Variants in IDE observed in about 807,000 individuals in gnomAD.
IDE encodes insulin degrading enzyme.
Under a neutral mutation model 133.2 loss-of-function variants are expected in IDE, and 58 were observed. That is an observed-to-expected ratio of 0.44 (90% CI 0.35 to 0.54). The LOEUF (loss-of-function observed/expected upper bound fraction) is 0.54. IDE is among the 20% of genes least tolerant of loss of function. The pLI is 0.00. For missense variants in IDE, 981 were observed against 1,234.0 expected, an observed-to-expected ratio of 0.79 and a Z score of 3.07; for synonymous variants, 396 against 421.3, an observed-to-expected ratio of 0.94 and a Z score of 0.73.
chr10:92,534,666 C>T lies in IDE; in HGVS notation c.403G>A (p.Ala135Thr). 1.2e-6 allele frequency: 2 copies of T among 1,613,696 alleles called. No homozygotes were observed. The highest frequency in any genetic ancestry group is 8.5e-7 in the Non-Finnish European group (1 of 1,179,694). ...CTAGTAAAGGCATTTGAACTTCCTG[C>T]ATGCTCACTGAGAAACTGGCTGTAT... The part of the protein sequence containing the change: ...NEYSQFLSEH[A>T]GSSNAFTSGE... The change falls in exon 3 of 25, where the codon GCA becomes ACA. Residue 135 changes from alanine to threonine, a missense_variant. Physicochemically the swap from Ala to Thr is moderately conservative, Grantham distance 58. Transcript: ENST00000265986.
At chr10:92,545,735 C>T in intron 1 of IDE, among the ~76,000 whole-genome samples, 1 of 152,140 alleles carries the variant, frequency 6.6e-6, no homozygotes, top group East Asian at 1.9e-4. Context: ...ACTTTCCCAA[C>T]AGAAGATTTT....
In IDE at chr10:92,524,484, T is replaced by TA. The variant is rs1343423611; in HGVS notation, c.661+7263_661+7264insT. On this transcript the variant is annotated intron_variant, in intron 4 of 24. Coordinates refer to ENST00000265986, the MANE Select transcript of IDE (RefSeq NM_004969.4). ...TATTTTATATAATATATAATATATA[T>TA]TATATTATAATATATTTTATATAAT... Among the ~76,000 whole-genome samples, 177 of 27,146 alleles carry TA rather than the reference T, an allele frequency of 6.5e-3. 23 individuals carry two copies. The highest frequency in any genetic ancestry group is 0.029 in the African/African-American group (168 of 5,696). The allele number at this position is 27,146 out of a possible 152,430, so 17.8% of individuals were successfully genotyped here. A position where few individuals can be genotyped will look rare whatever the true frequency, so the allele number is the denominator to read the frequency against.
At chr10:92,571,440 T>C (rs1843782970) in intron 1 of IDE, among the ~76,000 whole-genome samples, 1 of 152,206 alleles carries the variant, frequency 6.6e-6, no homozygotes, top group South Asian at 2.1e-4. Context: ...GCTTGAATGT[T>C]GATAGTCCCA....
intron 1 of IDE, among the ~76,000 whole-genome samples, chr10:92,557,680 A>G (rs538254082): frequency 6.6e-6 from 1 of 152,232 alleles, no homozygotes; most frequent in South Asian, 2.1e-4. Context: ...ACTTGATGCC[A>G]GGAGTTCGAG....
At chr10:92,515,075 A>G (rs1189971762) in intron 4 of IDE, 33 bp from the exon 5 acceptor site, 2 of 1,554,390 alleles carry the variant, frequency 1.3e-6, no homozygotes, top group Non-Finnish European at 8.7e-7. Flanking sequence ...TCTTAGAAAA[A>G]GCAAAATATG....
intron 4 of IDE, among the ~76,000 whole-genome samples, chr10:92,524,412 T>TA (rs1849446832): frequency 2.7e-5 from 1 of 36,796 alleles, no homozygotes; most frequent in Non-Finnish European, 5.7e-5. Flanking sequence ...ATAATATATA[T>TA]TATATTATAT....
intron 4 of IDE, among the ~76,000 whole-genome samples, chr10:92,528,096 T>C (rs1849723665): frequency 6.6e-6 from 1 of 152,264 alleles, no homozygotes; most frequent in East Asian, 1.9e-4. Context: ...AATCCTATCA[T>C]ATGGAAATAA....
chr10:92,535,303 C>G (rs1301956595), intron 2 of IDE, among the ~76,000 whole-genome samples: 1 of 152,106 alleles, frequency 6.6e-6, no homozygotes, highest in East Asian at 1.9e-4. Context: ...CGGGGTTTCA[C>G]CGTGTTAGCC....
At chr10:92,539,947 G>A (rs1303970372) in intron 1 of IDE, among the ~76,000 whole-genome samples, 1 of 151,408 alleles carries the variant, frequency 6.6e-6, no homozygotes, top group Admixed American at 6.6e-5. Flanking sequence ...AGGAACCTCA[G>A]ATAACAGTCC....
intron 11 of IDE, among the ~76,000 whole-genome samples, chr10:92,501,007 C>T (rs1847973140): frequency 1.3e-5 from 2 of 148,628 alleles, no homozygotes; most frequent in Non-Finnish European, 3.0e-5. Context: ...CACCACTGCA[C>T]TCCAGCCTGG....
Position 92,475,943 on chromosome 10 carries a change from T to C in IDE, c.1936A>G (p.Ile646Val), listed in dbSNP as rs1298037379. The change falls in exon 16 of 25, where the codon ATT (isoleucine) becomes GTT (valine). Residue 646 changes from isoleucine (I) to valine (V), a missense_variant. By Grantham distance (29) the Ile-to-Val change is conservative (BLOSUM62 3). This residue lies in a region of IDE where 660 missense variants were observed against 894.7 expected (regional missense o/e 0.74). Coordinates refer to ENST00000265986, the MANE Select transcript of IDE (RefSeq NM_004969.4). Reference protein sequence around the residue: ...DKQPILLKKIIEKMATFEIDE... With the variant: ...DKQPILLKKIVEKMATFEIDE... Reference sequence around the variant, plus strand: ...ATCTCAAAGGTAGCCATTTTCTCAATAATCTTCTTTAGTAAAATTGGCTGC... The same window carrying C: ...ATCTCAAAGGTAGCCATTTTCTCAACAATCTTCTTTAGTAAAATTGGCTGC... 3 of 1,551,350 alleles carry C rather than the reference T, an allele frequency of 1.9e-6. No individual in the cohort carries two copies. The highest frequency in any genetic ancestry group is 2.3e-5 in the East Asian group (1 of 44,198).
At chr10:92,573,200 C>T (rs914484002) in intron 1 of IDE, 2 of 984,984 alleles carry the variant, frequency 2.0e-6, no homozygotes, top group Non-Finnish European at 2.4e-6. Flanking sequence ...GAGGGCACGC[C>T]GCCGGATGGC....
chr10:92,554,534 C>T (rs1589532921), intron 1 of IDE, among the ~76,000 whole-genome samples: 1 of 117,664 alleles, frequency 8.5e-6, no homozygotes, highest in East Asian at 2.4e-4. Flanking sequence ...GACAAGAATG[C>T]AACAGTGTCT....
intron 2 of IDE, among the ~76,000 whole-genome samples, chr10:92,535,447 C>A (rs1432570752): frequency 6.6e-6 from 1 of 150,578 alleles, no homozygotes; most frequent in Admixed American, 6.7e-5. Flanking sequence ...GGAGACTATA[C>A]AGCACAGTGT....
At position 92,507,570 on chromosome 10, in the gene IDE, A is replaced by C. The variant is rs557957058; in HGVS notation, c.1245+5T>G. The C allele has an allele frequency of 2.1e-5, 32 of 1,545,868 alleles. No homozygotes were observed. In the South Asian group the frequency reaches 2.9e-4, roughly 14 times the overall value. On this transcript the variant is annotated splice_donor_5th_base_variant and intron_variant, in intron 9 of 24. Coordinates refer to ENST00000265986, the MANE Select transcript of IDE (RefSeq NM_004969.4). ...TTAAGAAAAATTTTGGTGAAACAAAAGTACCTTGCACTCTTGGAAAACCCA... is the reference window on the plus strand; with the variant it reads ...TTAAGAAAAATTTTGGTGAAACAAACGTACCTTGCACTCTTGGAAAACCCA...
chr10:92,558,420 T>G (rs998283509), intron 1 of IDE, among the ~76,000 whole-genome samples: 1 of 152,134 alleles, frequency 6.6e-6, no homozygotes, highest in Non-Finnish European at 1.5e-5. Context: ...GCTTCTTAGA[T>G]ATGACATCAA....
At chr10:92,458,532 C>T (rs1030769828) in intron 22 of IDE, among the ~76,000 whole-genome samples, 12 of 120,826 alleles carry the variant, frequency 9.9e-5, no homozygotes, top group African/African-American at 1.3e-4. Flanking sequence ...GATGGAGTCT[C>T]GCTCTGTCGC....
intron 10 of IDE, 90 bp downstream of exon 10, chr10:92,506,352 T>C: frequency 1.7e-6 from 1 of 597,086 alleles, no homozygotes; most frequent in Non-Finnish European, 2.9e-6. Context: ...CAGCTTCAAT[T>C]GTAATCATTC....
intron 9 of IDE, 46 bp from the exon 10 acceptor site, chr10:92,506,568 G>GA: frequency 2.4e-6 from 2 of 827,728 alleles, no homozygotes; most frequent in Non-Finnish European, 3.9e-6. Flanking sequence ...CCCTTATTTA[G>GA]AAACCTTTTT....
Sources: allele counts gnomAD v4.1 joint callset (sites outside exome capture counted in the v4.1 genomes callset), GRCh38; gene constraint gnomAD v4.1.1; regional missense constraint gnomAD v4.1.1; transcripts MANE v1.5; gene names NCBI Gene and HGNC (gene_info 2026-07-23, HGNC 2026-07-21).